Variants in ZDHHC5 observed in about 807,000 individuals in gnomAD.
ZDHHC5 encodes zDHHC palmitoyltransferase 5, also known as palmitoyltransferase ZDHHC5.
A neutral mutation model predicts 70.0 loss-of-function variants in ZDHHC5; 22 were observed. The observed-to-expected ratio is 0.31, with a 90% confidence interval of 0.22 to 0.45. The LOEUF is 0.45. ZDHHC5 is among the 20% of genes least tolerant of loss of function. The probability of loss-of-function intolerance (pLI) is 1.00; values close to 1 mark genes in which losing one functional copy is unlikely to be tolerated. For synonymous variants in ZDHHC5, 313 were observed against 347.8 expected (o/e 0.90, Z 1.11); for missense variants, 746 against 926.9 (o/e 0.80, Z 2.53).
At chr11:57,695,603 C>T (rs543700394) in intron 8 of ZDHHC5, among the ~76,000 whole-genome samples, 1 of 151,976 alleles carries the variant, frequency 6.6e-6, no homozygotes, top group South Asian at 2.1e-4. Flanking sequence ...GCTTGGGCAA[C>T]ATGGCGAGAC....
chr11:57,677,461 A>G (rs1322497089), intron 2 of ZDHHC5, among the ~76,000 whole-genome samples: 2 of 151,648 alleles, frequency 1.3e-5, no homozygotes, highest in East Asian at 3.9e-4. Flanking sequence ...TAATTTTTGT[A>G]TTTTTAGTAG....
intron 3 of ZDHHC5, among the ~76,000 whole-genome samples, chr11:57,688,155 C>G (rs1205866508): frequency 1.3e-5 from 2 of 152,156 alleles, no homozygotes; most frequent in African/African-American, 4.8e-5. Flanking sequence ...AATGTAGATA[C>G]TGAACTCTTA....
chr11:57,683,700 CA>C (rs1185208161), intron 3 of ZDHHC5, among the ~76,000 whole-genome samples: 1 of 152,118 alleles, frequency 6.6e-6, no homozygotes, highest in African/African-American at 2.4e-5. Context: ...GTATTTGAAA[CA>C]ACAGGAGTAA....
chr11:57,694,010 T>A, intron 8 of ZDHHC5, 95 bp downstream of exon 8: 2 of 1,443,318 alleles, frequency 1.4e-6, no homozygotes, highest in Non-Finnish European at 1.8e-6. Flanking sequence ...TGTTTTTTTT[T>A]TTTTTTTTGA....
chr11:57,679,459 G>T (rs774958795), intron 2 of ZDHHC5, among the ~76,000 whole-genome samples: 6 of 152,134 alleles, frequency 3.9e-5, no homozygotes, highest in Non-Finnish European at 8.8e-5. Flanking sequence ...ACCATACCTG[G>T]CCCCACTCTG....
chr11:57,683,244 T>C (rs932782455), intron 3 of ZDHHC5, among the ~76,000 whole-genome samples: 2 of 152,204 alleles, frequency 1.3e-5, no homozygotes, highest in Admixed American at 6.5e-5. Context: ...ACATTTTCCT[T>C]TGGATAGGAA....
At chr11:57,668,896 A>G (rs1945962952) in intron 1 of ZDHHC5, among the ~76,000 whole-genome samples, 1 of 152,264 alleles carries the variant, frequency 6.6e-6, no homozygotes, top group Non-Finnish European at 1.5e-5. Flanking sequence ...AAACACTGAA[A>G]TAAGAAGTAA....
intron 6 of ZDHHC5, among the ~76,000 whole-genome samples, chr11:57,691,823 T>C (rs1946288792): frequency 6.6e-6 from 1 of 151,488 alleles, no homozygotes; most frequent in Non-Finnish European, 1.5e-5. Context: ...TAGAGGCCAC[T>C]TCTTAGTTAA....
At chr11:57,693,318 C>T (rs189347888) in intron 7 of ZDHHC5, among the ~76,000 whole-genome samples, 13 of 152,144 alleles carry the variant, frequency 8.5e-5, no homozygotes, top group African/African-American at 2.4e-4. Flanking sequence ...CTAGGGTTTG[C>T]GCTCCTAAGA....
chr11:57,674,792 G>T (rs541285071), intron 2 of ZDHHC5, among the ~76,000 whole-genome samples: 9 of 152,326 alleles, frequency 5.9e-5, no homozygotes, highest in African/African-American at 2.2e-4. Context: ...AGGAGAGAAA[G>T]AATCACTATC....
At chr11:57,685,545 A>G (rs1262171570) in intron 3 of ZDHHC5, among the ~76,000 whole-genome samples, 1 of 152,160 alleles carries the variant, frequency 6.6e-6, no homozygotes, top group East Asian at 1.9e-4. Context: ...GCTCCTTGGA[A>G]GGCTGAGACA....
Position 57,673,197 on chromosome 11 carries a change from G to A in ZDHHC5, c.104+3G>A, listed in dbSNP as rs1946028966. ...ACGACACTCTTCTTTGCCTTTACGT[G>A]AGTTTTCTCCCAGCAGGGGTGTTTG... On this transcript the variant is annotated splice_donor_region_variant and intron_variant, in intron 2 of 11. Coordinates refer to ENST00000287169, the MANE Select transcript of ZDHHC5 (RefSeq NM_015457.3). The A allele has an allele frequency of 6.2e-7, 1 of 1,613,516 alleles. No individual in the cohort carries two copies. Among genetic ancestry groups the A allele is most frequent in the African/African-American group, 1.3e-5 (1 of 74,926 alleles).
intron 2 of ZDHHC5, among the ~76,000 whole-genome samples, chr11:57,679,079 A>T (rs1946112406): frequency 6.6e-6 from 1 of 152,186 alleles, no homozygotes; most frequent in African/African-American, 2.4e-5. Context: ...AGGATGCATT[A>T]GGGAGTGCTC....
At position 57,700,724 on chromosome 11, in the gene ZDHHC5, G is replaced by T. The variant is rs1323385736; in HGVS notation, c.*693G>T. The stretch of plus-strand genomic sequence containing the variant: ...GAGAATTAGTTTTCTAGGCTCATTG[G>T]CATTTAGTTTCCCTAGGAAAGGGGT... On this transcript the variant is annotated 3_prime_UTR_variant, in exon 12 of 12. Transcript: ENST00000287169. 6.6e-6 allele frequency: 1 copy of T among 152,584 alleles called. No homozygotes were observed. The highest frequency in any genetic ancestry group is 1.5e-5 in the Non-Finnish European group (1 of 68,042). The allele number at this position is 152,584 out of a possible 1,614,324, so 9.5% of individuals were successfully genotyped here. A position where few individuals can be genotyped will look rare whatever the true frequency, so the allele number is the denominator to read the frequency against.
chr11:57,695,014 A>G lies in ZDHHC5; in HGVS notation c.886-906A>G, dbSNP rs369985248. 8.5e-5 allele frequency among the ~76,000 whole-genome samples: 13 copies of G among 152,050 alleles called. 1 individual carries two copies. In the East Asian group the frequency reaches 9.7e-4, roughly 11 times the overall value. On this transcript the variant is annotated intron_variant, in intron 8 of 11. Transcript: ENST00000287169. ...GTAGTGGCTTATGCCTGTAATCCCA[A>G]CACTTTGGGAGGCTGAGGTGGGTGG...
chr11:57,677,283 A>ATTTTTTTTT (rs1170220902), intron 2 of ZDHHC5, among the ~76,000 whole-genome samples: 2 of 81,678 alleles, frequency 2.4e-5, no homozygotes, highest in Non-Finnish European at 4.6e-5. Context: ...GCTTCACGTG[A>ATTTTTTTTT]TTTTTTTTTT....
Position 57,672,262 on chromosome 11 carries a change from G to T in ZDHHC5, c.-829G>T, listed in dbSNP as rs1946015867. 5.0e-6 allele frequency: 2 copies of T among 398,486 alleles called. No individual in the cohort carries two copies. Among genetic ancestry groups the T allele is most frequent in the South Asian group, 1.3e-4 (1 of 7,826 alleles). The allele number at this position is 398,486 out of a possible 1,614,324, so 24.7% of individuals were successfully genotyped here. A position where few individuals can be genotyped will look rare whatever the true frequency, so the allele number is the denominator to read the frequency against. On this transcript the variant is annotated 5_prime_UTR_variant, in exon 2 of 12. Coordinates refer to ENST00000287169, the MANE Select transcript of ZDHHC5 (RefSeq NM_015457.3). ...TTACATGAACTTTGTAGGAAACAGA[G>T]CCCTTAAAGGGCTTGGGAATAACAA...
At chr11:57,676,345 G>A (rs920354352) in intron 2 of ZDHHC5, among the ~76,000 whole-genome samples, 12 of 152,178 alleles carry the variant, frequency 7.9e-5, no homozygotes, top group Admixed American at 7.2e-4. Flanking sequence ...ATTCTTCTCT[G>A]TTTTCACTAT....
At chr11:57,668,485 C>G (rs1590851746) in intron 1 of ZDHHC5, 1 of 152,930 alleles carries the variant, frequency 6.5e-6, no homozygotes, top group African/African-American at 2.4e-5. Context: ...GCCCCCGGCC[C>G]TGCGCCCTCG....
Sources: gnomAD v4.1 joint callset for allele counts (sites outside exome capture counted in the v4.1 genomes callset) on GRCh38, gnomAD v4.1.1 for gene constraint, MANE v1.5 for transcripts, NCBI Gene and HGNC (gene_info 2026-07-23, HGNC 2026-07-21) for gene names.